The following CADM2 variants were observed in gnomAD, a reference collection of about 807,000 sequenced individuals.
CADM2 encodes the protein cell adhesion molecule 2, also known as immunoglobulin superfamily member 4D.
CADM2 carries 12 observed loss-of-function variants against 49.8 expected under a neutral mutation model. The ratio of observed to expected loss-of-function variants is 0.24; its 90% CI spans 0.15 to 0.39. CADM2 has a LOEUF of 0.39. CADM2 is among the 10% of genes least tolerant of loss of function. The pLI is 1.00. For missense variants in CADM2, 378 were observed against 492.3 expected, an observed-to-expected ratio of 0.77 and a Z score of 2.20; for synonymous variants, 214 against 175.4, an observed-to-expected ratio of 1.22 and a Z score of -1.74.
chr3:85,201,191 T>A (rs76243389), intron 1 of CADM2, among the ~76,000 whole-genome samples: 15,525 of 152,200 alleles, frequency 0.1, 1,029 homozygotes, highest in African/African-American at 0.19. Flanking sequence ...ACTACAGGCA[T>A]ACCTTGGAGA....
At chr3:85,820,262 A>C (rs2073469731) in intron 3 of CADM2, among the ~76,000 whole-genome samples, 1 of 152,174 alleles carries the variant, frequency 6.6e-6, no homozygotes, top group Admixed American at 6.6e-5. Context: ...TGAGATGAGA[A>C]ACGAGCAGAG....
chr3:85,263,129 A>T (rs1443603911), intron 1 of CADM2, among the ~76,000 whole-genome samples: 1 of 151,984 alleles, frequency 6.6e-6, no homozygotes, highest in Non-Finnish European at 1.5e-5. Context: ...AATAGCTGGG[A>T]TTACAGGCAC....
chr3:85,562,971 T>A (rs1373992959), intron 1 of CADM2, among the ~76,000 whole-genome samples: 2 of 152,334 alleles, frequency 1.3e-5, no homozygotes, highest in Non-Finnish European at 2.9e-5. Context: ...ATAAGTTTTC[T>A]TGAAATGTGA....
At chr3:85,236,653 A>G (rs1001767325) in intron 1 of CADM2, among the ~76,000 whole-genome samples, 5 of 152,118 alleles carry the variant, frequency 3.3e-5, no homozygotes, top group African/African-American at 1.2e-4. Flanking sequence ...GTGACATGTG[A>G]ATGAAATATT....
At chr3:85,025,997 A>G (rs1217731671) in intron 1 of CADM2, among the ~76,000 whole-genome samples, 6 of 152,156 alleles carry the variant, frequency 3.9e-5, no homozygotes, top group Non-Finnish European at 7.4e-5. Flanking sequence ...TTGCCAACAC[A>G]TTCTTCACAG....
chr3:85,944,037 A>G (rs867147833), intron 7 of CADM2, among the ~76,000 whole-genome samples: 21 of 152,008 alleles, frequency 1.4e-4, no homozygotes, highest in Middle Eastern at 6.8e-3. Flanking sequence ...CATCTCACCT[A>G]TAGAGACACA....
chr3:85,926,747 A>AT (rs1467458669), intron 6 of CADM2, among the ~76,000 whole-genome samples: 1 of 152,148 alleles, frequency 6.6e-6, no homozygotes, highest in Non-Finnish European at 1.5e-5. Flanking sequence ...TTAAAAGAAT[A>AT]TTTTTTGACT....
chr3:85,669,227 A>G (rs941695043), intron 1 of CADM2, among the ~76,000 whole-genome samples: 2 of 152,018 alleles, frequency 1.3e-5, no homozygotes, highest in Non-Finnish European at 2.9e-5. Context: ...CAAGTAGTTC[A>G]TTTTTTACTT....
chr3:85,902,695 T>G (rs1410099493), intron 5 of CADM2, among the ~76,000 whole-genome samples: 3 of 151,658 alleles, frequency 2.0e-5, no homozygotes, highest in Admixed American at 6.6e-5. Context: ...TAAATTCCTG[T>G]AAAAATTTTT....
chr3:85,675,662 TG>T (rs974423790), intron 1 of CADM2, among the ~76,000 whole-genome samples: 6 of 152,104 alleles, frequency 3.9e-5, no homozygotes, highest in African/African-American at 9.7e-5. Context: ...TTTTTGATGG[TG>T]GGAATGAAAA....
At chr3:85,654,385 A>C (rs1214127363) in intron 1 of CADM2, among the ~76,000 whole-genome samples, 2 of 152,182 alleles carry the variant, frequency 1.3e-5, no homozygotes, top group South Asian at 2.1e-4. Flanking sequence ...GGCTTAGGAA[A>C]AAGTATGCAG....
At chr3:85,882,491 T>C (rs1379228050) in intron 3 of CADM2, among the ~76,000 whole-genome samples, 1 of 152,182 alleles carries the variant, frequency 6.6e-6, no homozygotes, top group Non-Finnish European at 1.5e-5. Context: ...GGTGCTGGTG[T>C]CTTTAACCAG....
intron 1 of CADM2, among the ~76,000 whole-genome samples, chr3:85,579,881 G>T (rs2062745796): frequency 6.6e-6 from 1 of 152,116 alleles, no homozygotes. Flanking sequence ...GTGCATCTGT[G>T]TGCATGTGTG....
intron 1 of CADM2, among the ~76,000 whole-genome samples, chr3:85,664,849 G>A (rs2065517337): frequency 6.6e-6 from 1 of 151,754 alleles, no homozygotes; most frequent in South Asian, 2.1e-4. Flanking sequence ...AGTCACCCCT[G>A]CCCCCCTTAT....
At chr3:84,973,526 G>A (rs185616609) in intron 1 of CADM2, among the ~76,000 whole-genome samples, 1 of 152,244 alleles carries the variant, frequency 6.6e-6, no homozygotes, top group Admixed American at 6.5e-5. Context: ...TGATTTGTTC[G>A]AGAGGATGAT....
At chr3:85,348,578 A>G (rs2031008397) in intron 1 of CADM2, among the ~76,000 whole-genome samples, 1 of 152,218 alleles carries the variant, frequency 6.6e-6, no homozygotes, top group African/African-American at 2.4e-5. Flanking sequence ...TAGAAAAACA[A>G]TGGCATAACA....
At chr3:85,330,601 T>G (rs2107147587) in intron 1 of CADM2, among the ~76,000 whole-genome samples, 1 of 152,126 alleles carries the variant, frequency 6.6e-6, no homozygotes, top group Admixed American at 6.6e-5. Flanking sequence ...TTATCTGAAT[T>G]TTTCATAGGC....
intron 1 of CADM2, among the ~76,000 whole-genome samples, chr3:85,422,331 G>A (rs1035094406): frequency 6.6e-6 from 1 of 152,014 alleles, no homozygotes; most frequent in Middle Eastern, 3.2e-3. Flanking sequence ...AGGCTGGAGT[G>A]CAGTGGTGCA....
At position 86,066,649 on chromosome 3, in the gene CADM2, C is replaced by T; in HGVS notation, c.1097-16C>T. The stretch of plus-strand genomic sequence containing the variant: ...AGTCTCACAGAGCTAACATATTTTT[C>T]TTCCAATATATGCAGGAACGTATTT... On this transcript the variant is annotated splice_polypyrimidine_tract_variant and intron_variant, in intron 9 of 9. Coordinates refer to ENST00000383699, the MANE Select transcript of CADM2 (RefSeq NM_001167675.2). The T allele has an allele frequency of 1.3e-6, 2 of 1,542,616 alleles. No individual in the cohort carries two copies. The highest frequency in any genetic ancestry group is 4.5e-5 in the East Asian group (2 of 44,486).
Sources: gnomAD v4.1 joint callset for allele counts (sites outside exome capture counted in the v4.1 genomes callset) on GRCh38, gnomAD v4.1.1 for gene constraint, MANE v1.5 for transcripts, NCBI Gene and HGNC (gene_info 2026-07-23, HGNC 2026-07-21) for gene names.